ZNF57: variants seen among roughly 807,000 people sequenced by gnomAD.
The protein encoded by ZNF57 is zinc finger protein 57.
Under a neutral mutation model 13.4 loss-of-function variants are expected in ZNF57, and 11 were observed. The ratio of observed to expected loss-of-function variants is 0.82; its 90% CI spans 0.52 to 1.36. The LOEUF (loss-of-function observed/expected upper bound fraction) is 1.36. Among genes scored for constraint, ZNF57 ranks in the 40% most tolerant of loss-of-function variants. The probability of loss-of-function intolerance (pLI) is 0.00; values close to 1 mark genes in which losing one functional copy is unlikely to be tolerated. For missense variants in ZNF57, 696 were observed against 667.5 expected (o/e 1.04, Z -0.47); for synonymous variants, 224 against 238.5 (o/e 0.94, Z 0.56).
At chr19:2,914,708 T>C (rs1448847778) in intron 1 of ZNF57, among the ~76,000 whole-genome samples, 8 of 152,218 alleles carry the variant, frequency 5.3e-5, no homozygotes, top group African/African-American at 1.9e-4. Context: ...TCCAGTGAGA[T>C]ACAGAAATGC....
intron 1 of ZNF57, among the ~76,000 whole-genome samples, chr19:2,913,035 C>G (rs2088154290): frequency 1.3e-5 from 2 of 152,152 alleles, no homozygotes; most frequent in Admixed American, 1.3e-4. Flanking sequence ...CTCACTGCAA[C>G]CTCTGCCTCC....
intron 1 of ZNF57, 70 bp downstream of exon 1, chr19:2,901,118 C>T (rs1568177847): frequency 7.5e-5 from 3 of 39,736 alleles, no homozygotes; most frequent in Non-Finnish European, 1.7e-4. Flanking sequence ...CCAGAGTCCG[C>T]CGAAGTCTGC....
chr19:2,914,932 C>T (rs2088175298), intron 1 of ZNF57, among the ~76,000 whole-genome samples: 1 of 152,136 alleles, frequency 6.6e-6, no homozygotes, highest in Non-Finnish European at 1.5e-5. Context: ...TGTTATACAT[C>T]CAACAGTGCT....
chr19:2,916,065 T>G lies in ZNF57; in HGVS notation c.131-13T>G, dbSNP rs1230333633. 6.2e-7 allele frequency: 1 copy of G among 1,603,516 alleles called. No homozygotes were observed. Among genetic ancestry groups the G allele is most frequent in the South Asian group, 1.1e-5 (1 of 89,764 alleles). The stretch of plus-strand genomic sequence containing the variant: ...CTTATTCCTTTTGAGATTTGTTTAC[T>G]TTTTTGTTGCAGATGATGGGACTCA... On this transcript the variant is annotated splice_polypyrimidine_tract_variant and intron_variant, in intron 2 of 3. Coordinates refer to ENST00000306908, the MANE Select transcript of ZNF57 (RefSeq NM_173480.3).
At position 2,900,978 on chromosome 19, in the gene ZNF57, A is replaced by G; in HGVS notation, c.-68A>G. 1 of 1,546,946 alleles carries G rather than the reference A, an allele frequency of 6.5e-7. No homozygotes were observed. The highest frequency in any genetic ancestry group is 8.7e-7 in the Non-Finnish European group (1 of 1,144,562). ...CCACGAGCGGCCCGGGAGTACCTGT[A>G]CCTTTCAGCTGCGCCGGCCGCGAGG... On this transcript the variant is annotated 5_prime_UTR_variant, in exon 1 of 4. Coordinates refer to ENST00000306908, the MANE Select transcript of ZNF57 (RefSeq NM_173480.3).
At chr19:2,906,555 A>C (rs74798589) in intron 1 of ZNF57, among the ~76,000 whole-genome samples, 75 of 152,304 alleles carry the variant, frequency 4.9e-4, no homozygotes, top group African/African-American at 1.5e-3. Flanking sequence ...CATATGCAAG[A>C]AGCAGCCCCT....
chr19:2,910,927 C>T (rs1386126080), intron 1 of ZNF57, among the ~76,000 whole-genome samples: 2 of 151,738 alleles, frequency 1.3e-5, no homozygotes, highest in East Asian at 1.9e-4. Flanking sequence ...TGCCCTGGTT[C>T]GTTGTTCCTT....
At chr19:2,901,195 C>A in intron 1 of ZNF57, 147 bp downstream of exon 1, 1 of 1,157,776 alleles carries the variant, frequency 8.6e-7, no homozygotes, top group Non-Finnish European at 1.2e-6. Flanking sequence ...GGGACGCCAT[C>A]ACAGCGGCCG....
Position 2,917,414 on chromosome 19 carries a change from T to C in ZNF57, c.793T>C (p.Ser265Pro), listed in dbSNP as rs1326779009. The C allele has an allele frequency of 6.2e-7, 1 of 1,614,142 alleles. No homozygotes were observed. The highest frequency in any genetic ancestry group is 8.5e-7 in the Non-Finnish European group (1 of 1,180,034). Residue 265 changes from serine (S) to proline (P), a missense_variant, in exon 4 of 4, where the codon TCG becomes CCG. Ser to Pro is a moderately conservative substitution (Grantham distance 74, BLOSUM62 -1). Transcript: ENST00000306908. The stretch of plus-strand genomic sequence containing the variant: ...ATGTGGGAGAGCCTTCATTTATCCC[T>C]CGACATTTCAAAGACACATGACAAC... The part of the protein sequence containing the change: ...QECGRAFIYP[S>P]TFQRHMTTHT...
At position 2,905,409 on chromosome 19, in the gene ZNF57, C is replaced by CG. The variant is rs1599596128; in HGVS notation, c.3+4361_3+4362insG. On this transcript the variant is annotated intron_variant, in intron 1 of 3. Transcript: ENST00000306908. ...CGAACTCTTGACTTCAGGTGATCGCCCCCCCCCCCTCGGCATTCCAAAGTA... is the reference window on the plus strand; with the variant it reads ...CGAACTCTTGACTTCAGGTGATCGCCGCCCCCCCCCTCGGCATTCCAAAGTA... Among the ~76,000 whole-genome samples, 3 of 65,394 alleles carry CG rather than the reference C, an allele frequency of 4.6e-5. 1 individual carries two copies. In the East Asian group the frequency reaches 8.2e-4, roughly 18 times the overall value. The allele number at this position is 65,394 out of a possible 152,430, so 42.9% of individuals were successfully genotyped here. A position where few individuals can be genotyped will look rare whatever the true frequency, so the allele number is the denominator to read the frequency against.
Position 2,910,088 on chromosome 19 carries a change from T to C in ZNF57, c.4-5434T>C, listed in dbSNP as rs534644527. Among the ~76,000 whole-genome samples the C allele has an allele frequency of 4.1e-5, 2 of 48,476 alleles. 1 individual carries two copies. The highest frequency in any genetic ancestry group is 4.8e-4 in the Admixed American group (2 of 4,164). 31.8% of individuals were successfully genotyped at this position (48,476 alleles called of 152,430 possible). ...GAACCAATGTCTTGACAATATTGGG[T>C]CTTCTATACGTGGACATGGAATAAC... On this transcript the variant is annotated intron_variant, in intron 1 of 3. Coordinates refer to ENST00000306908, the MANE Select transcript of ZNF57 (RefSeq NM_173480.3).
chr19:2,911,538 CAA>C (rs71179930), intron 1 of ZNF57, among the ~76,000 whole-genome samples: 2 of 150,244 alleles, frequency 1.3e-5, no homozygotes, highest in Non-Finnish European at 3.0e-5. Context: ...GTCTCAAAAA[CAA>C]AAAAAAACGA....
At chr19:2,909,282 T>TTTTTG (rs2088109846) in intron 1 of ZNF57, among the ~76,000 whole-genome samples, 1 of 44,294 alleles carries the variant, frequency 2.3e-5, no homozygotes, top group African/African-American at 7.0e-5. Flanking sequence ...TTTATTTTTG[T>TTTTTG]TTTTTTTTTT....
intron 1 of ZNF57, chr19:2,912,393 G>A (rs1405465593): frequency 2.0e-5 from 3 of 152,108 alleles, no homozygotes; most frequent in Non-Finnish European, 4.4e-5. Context: ...TACAAGACTG[G>A]GCCCCCTGAG....
chr19:2,908,461 GTTT>G (rs60289248), intron 1 of ZNF57, among the ~76,000 whole-genome samples: 1 of 122,640 alleles, frequency 8.2e-6, no homozygotes, highest in Admixed American at 9.3e-5. Context: ...TATTTTTTTG[GTTT>G]TTTTTTTTTT....
chr19:2,917,749 C>T lies in ZNF57; in HGVS notation c.1128C>T (p.Ser376=), dbSNP rs774812093. 11 of 1,612,930 alleles carry T rather than the reference C, an allele frequency of 6.8e-6. No individual in the cohort carries two copies. The highest frequency in any genetic ancestry group is 9.3e-6 in the Non-Finnish European group (11 of 1,179,818). The part of the protein sequence containing the change: ...CKQCGKAFTW[S]STFREHVRIH... The stretch of plus-strand genomic sequence containing the variant: ...AATGTGGGAAAGCCTTCACTTGGTC[C>T]TCAACGTTTAGAGAACATGTGAGAA... The change falls in exon 4 of 4, where the codon TCC becomes TCT. Residue 376 remains serine, a synonymous_variant. Transcript: ENST00000306908.
intron 1 of ZNF57, among the ~76,000 whole-genome samples, chr19:2,903,794 A>T (rs1568178627): frequency 1.3e-5 from 2 of 150,344 alleles, no homozygotes; most frequent in African/African-American, 4.9e-5. Context: ...GGCTCACTGC[A>T]GGCTCCGCCC....
chr19:2,917,571 TCAGTTGGTCTGAAA>T lies in ZNF57; in HGVS notation c.952_965del (p.Ser318LeufsTer15), dbSNP rs1463142229. On this transcript the variant is annotated frameshift_variant, in exon 4 of 4. Transcript: ENST00000306908. LOFTEE classifies it low-confidence loss of function (END_TRUNC). ...GAATGCAAGCAGTGTGGGAAAACAT[TCAGTTGGTCTGAAA>T]CCTTGCGAGTCCACATGAGGATCCA... 1 of 1,613,704 alleles carries T rather than the reference TCAGTTGGTCTGAAA, an allele frequency of 6.2e-7. No individual in the cohort carries two copies. Among genetic ancestry groups the T allele is most frequent in the African/African-American group, 1.3e-5 (1 of 74,792 alleles).
rs1258331033 is a variant in ZNF57, at chr19:2,909,275, A to ATTT, written c.4-6244_4-6242dup. 4.3e-4 allele frequency among the ~76,000 whole-genome samples: 45 copies of ATTT among 103,824 alleles called. 1 individual carries two copies. The highest frequency in any genetic ancestry group is 8.8e-4 in the Non-Finnish European group (43 of 48,998). 68.1% of individuals were successfully genotyped at this position (103,824 alleles called of 152,430 possible). A position where few individuals can be genotyped will look rare whatever the true frequency, so the allele number is the denominator to read the frequency against. On this transcript the variant is annotated intron_variant, in intron 1 of 3. Transcript: ENST00000306908. ...CCTTATAATAGATTTTATTTTATTTATTTTTGTTTTTTTTTTTTTTTTTGA... is the reference window on the plus strand; with the variant it reads ...CCTTATAATAGATTTTATTTTATTTATTTTTTTTGTTTTTTTTTTTTTTTTTGA...
Sources: allele counts gnomAD v4.1 joint callset (sites outside exome capture counted in the v4.1 genomes callset), GRCh38; gene constraint gnomAD v4.1.1; transcripts MANE v1.5; gene names NCBI Gene and HGNC (gene_info 2026-07-23, HGNC 2026-07-21).